CNTN4: variants seen among roughly 807,000 people sequenced by gnomAD.
The protein encoded by CNTN4 is contactin-4.
A neutral mutation model predicts 122.5 loss-of-function variants in CNTN4; 77 were observed. The ratio of observed to expected loss-of-function variants is 0.63; its 90% CI spans 0.52 to 0.76. The LOEUF (loss-of-function observed/expected upper bound fraction) is 0.76. CNTN4 is among the 30% of genes least tolerant of loss of function. The pLI, the probability that CNTN4 is intolerant of heterozygous loss-of-function variation, is 0.00. For missense variants in CNTN4, 1,256 were observed against 1,259.1 expected, an observed-to-expected ratio of 1.00 and a Z score of 0.04; for synonymous variants, 512 against 447.0, an observed-to-expected ratio of 1.15 and a Z score of -1.83.
intron 13 of CNTN4, among the ~76,000 whole-genome samples, chr3:2,961,617 T>C (rs1205042128): frequency 3.9e-5 from 6 of 152,152 alleles, no homozygotes; most frequent in Non-Finnish European, 8.8e-5. Flanking sequence ...AGAGACAACA[T>C]ACCCACCTCT....
chr3:2,674,143 G>C (rs1344180554), intron 4 of CNTN4, among the ~76,000 whole-genome samples: 1 of 152,160 alleles, frequency 6.6e-6, no homozygotes, highest in Non-Finnish European at 1.5e-5. Context: ...GGAGTAGTTT[G>C]TGAAAGCAAT....
At chr3:2,694,909 C>A (rs1490972002) in intron 4 of CNTN4, among the ~76,000 whole-genome samples, 1 of 152,182 alleles carries the variant, frequency 6.6e-6, no homozygotes, top group Non-Finnish European at 1.5e-5. Context: ...CCCTCTCTTA[C>A]TACCCCTGAA....
At chr3:2,665,748 G>A (rs1322447450) in intron 4 of CNTN4, among the ~76,000 whole-genome samples, 3 of 152,134 alleles carry the variant, frequency 2.0e-5, no homozygotes, top group Non-Finnish European at 4.4e-5. Context: ...TCACAGTGGG[G>A]CAAAATGGAA....
At chr3:2,513,739 A>G (rs2076958599) in intron 3 of CNTN4, among the ~76,000 whole-genome samples, 1 of 152,152 alleles carries the variant, frequency 6.6e-6, no homozygotes, top group Non-Finnish European at 1.5e-5. Context: ...AGATAATTTT[A>G]TAAAATTGGG....
chr3:2,241,810 G>A lies in CNTN4; in HGVS notation c.-144-97368G>A, dbSNP rs370107875. 2.6e-5 allele frequency among the ~76,000 whole-genome samples: 4 copies of A among 152,228 alleles called. No homozygotes were observed. The East Asian group carries it at 5.8e-4, about 22-fold the overall frequency. On this transcript the variant is annotated intron_variant, in intron 2 of 24. Transcript: ENST00000418658. The stretch of plus-strand genomic sequence containing the variant: ...TGAATTATTTTCTAAAATTAAAACG[G>A]TATGCCAGACAAGGTAATACAAGTC...
chr3:2,902,854 A>G (rs565864023), intron 11 of CNTN4, 22 bp from the exon 12 acceptor site: 10 of 1,608,556 alleles, frequency 6.2e-6, no homozygotes, highest in South Asian at 1.1e-5. Flanking sequence ...CATTGTTTTT[A>G]TGTTCCTCTT....
chr3:2,142,352 C>T (rs2035032761), intron 2 of CNTN4, among the ~76,000 whole-genome samples: 2 of 151,650 alleles, frequency 1.3e-5, no homozygotes, highest in Admixed American at 1.3e-4. Context: ...GATATTCTTT[C>T]TTTCCTTTTT....
chr3:2,142,718 G>A (rs937400949), intron 2 of CNTN4, among the ~76,000 whole-genome samples: 1 of 152,104 alleles, frequency 6.6e-6, no homozygotes, highest in Non-Finnish European at 1.5e-5. Context: ...AGCTGCCTCT[G>A]CAAATGATAG....
At chr3:2,445,177 C>T (rs1198296335) in intron 3 of CNTN4, among the ~76,000 whole-genome samples, 1 of 152,124 alleles carries the variant, frequency 6.6e-6, no homozygotes, top group African/African-American at 2.4e-5. Context: ...GACATCAGCT[C>T]TCCTAAAATG....
intron 3 of CNTN4, among the ~76,000 whole-genome samples, chr3:2,393,386 C>T (rs1471667671): frequency 6.6e-6 from 1 of 152,176 alleles, no homozygotes; most frequent in African/African-American, 2.4e-5. Context: ...TAATGCGTGA[C>T]ACTCATCTTG....
At chr3:2,723,957 T>C (rs2088033852) in intron 4 of CNTN4, among the ~76,000 whole-genome samples, 1 of 152,326 alleles carries the variant, frequency 6.6e-6, no homozygotes, top group Non-Finnish European at 1.5e-5. Context: ...AGCTCTTGTC[T>C]GTGGGTTATA....
At chr3:2,595,308 G>C (rs2080716496) in intron 4 of CNTN4, among the ~76,000 whole-genome samples, 1 of 152,126 alleles carries the variant, frequency 6.6e-6, no homozygotes, top group African/African-American at 2.4e-5. Flanking sequence ...ATGCCAGTTA[G>C]ATCCCATCTG....
chr3:2,305,307 G>T (rs1298529848), intron 2 of CNTN4, among the ~76,000 whole-genome samples: 4 of 152,094 alleles, frequency 2.6e-5, no homozygotes, highest in Admixed American at 2.6e-4. Context: ...AACTGAGAGG[G>T]TTAATTGTTC....
chr3:2,292,319 A>G (rs771889827), intron 2 of CNTN4, among the ~76,000 whole-genome samples: 1 of 152,206 alleles, frequency 6.6e-6, no homozygotes, highest in Non-Finnish European at 1.5e-5. Flanking sequence ...AATAATTGTC[A>G]CTTAGGATTT....
chr3:2,533,608 A>T (rs1203810174), intron 3 of CNTN4, among the ~76,000 whole-genome samples: 1 of 152,002 alleles, frequency 6.6e-6, no homozygotes, highest in Non-Finnish European at 1.5e-5. Flanking sequence ...GTGTGCATGT[A>T]TCTTTATAGC....
intron 16 of CNTN4, among the ~76,000 whole-genome samples, chr3:3,033,954 C>G (rs892464317): frequency 6.6e-6 from 1 of 152,200 alleles, no homozygotes; most frequent in Non-Finnish European, 1.5e-5. Flanking sequence ...AGATGAGGGT[C>G]TTTAGTATCT....
intron 3 of CNTN4, among the ~76,000 whole-genome samples, chr3:2,520,543 A>G (rs2077176163): frequency 1.3e-5 from 2 of 151,986 alleles, no homozygotes; most frequent in South Asian, 2.1e-4. Context: ...CAAAATGCTA[A>G]GATTACAGGC....
At chr3:2,601,132 T>G (rs2081025494) in intron 4 of CNTN4, among the ~76,000 whole-genome samples, 1 of 152,170 alleles carries the variant, frequency 6.6e-6, no homozygotes, top group Non-Finnish European at 1.5e-5. Flanking sequence ...TTGCAAAAAT[T>G]TTCTCCCATT....
At chr3:2,696,309 G>A (rs1489678523) in intron 4 of CNTN4, among the ~76,000 whole-genome samples, 4 of 152,336 alleles carry the variant, frequency 2.6e-5, no homozygotes, top group Non-Finnish European at 5.9e-5. Flanking sequence ...TCCCTCCAAA[G>A]TTCAGGTTGA....
Sources: allele counts gnomAD v4.1 joint callset (sites outside exome capture counted in the v4.1 genomes callset), GRCh38; gene constraint gnomAD v4.1.1; transcripts MANE v1.5; gene names NCBI Gene and HGNC (gene_info 2026-07-23, HGNC 2026-07-21).